Variants in WWOX observed in about 807,000 individuals in gnomAD.
The protein encoded by WWOX is WW domain-containing oxidoreductase.
In WWOX, 69 loss-of-function variants were observed where a neutral mutation model predicts 46.2. The observed-to-expected ratio is 1.49, with a 90% CI of 1.23 to 1.82. WWOX has a LOEUF of 1.82. WWOX is among the 40% of genes most tolerant of loss of function. WWOX has a pLI of 0.00. For missense variants in WWOX, 919 were observed against 542.6 expected (o/e 1.69, Z -6.89); for synonymous variants, 359 against 202.6 (o/e 1.77, Z -6.56).
intron 8 of WWOX, among the ~76,000 whole-genome samples, chr16:78,765,865 TG>T (rs2049914468): frequency 6.6e-6 from 1 of 151,772 alleles, no homozygotes; most frequent in African/African-American, 2.4e-5. Context: ...GAGGACAGAG[TG>T]GGTGGCACAG....
At chr16:78,396,270 A>G (rs112846286) in intron 6 of WWOX, among the ~76,000 whole-genome samples, 1 of 152,284 alleles carries the variant, frequency 6.6e-6, no homozygotes, top group African/African-American at 2.4e-5. Context: ...TAATTATTAC[A>G]TCAATTAGGG....
chr16:78,420,870 A>C (rs1466663327), intron 6 of WWOX, among the ~76,000 whole-genome samples: 1 of 152,180 alleles, frequency 6.6e-6, no homozygotes, highest in Non-Finnish European at 1.5e-5. Context: ...TAGGAAAAAA[A>C]GTAATCCTGA....
At chr16:79,192,203 A>T (rs144878878) in intron 8 of WWOX, among the ~76,000 whole-genome samples, 1 of 152,352 alleles carries the variant, frequency 6.6e-6, no homozygotes, top group South Asian at 2.1e-4. Flanking sequence ...GTGTATTTTT[A>T]AAGTCTGGGT....
intron 8 of WWOX, among the ~76,000 whole-genome samples, chr16:79,175,701 G>C (rs1404998297): frequency 2.0e-5 from 3 of 152,168 alleles, no homozygotes; most frequent in Non-Finnish European, 1.5e-5. Context: ...CTGTGTGCCT[G>C]TTCTGTGTCC....
chr16:78,861,451 T>G lies in WWOX; in HGVS notation c.1057-350157T>G, dbSNP rs146622953. Among the ~76,000 whole-genome samples the G allele has an allele frequency of 7.2e-4, 110 of 152,314 alleles. No homozygotes were observed. The East Asian group carries it at 0.018, about 25-fold the overall frequency. ...TGAGTCTACCATCCAGATTCAGTAA[T>G]TATTACATGTGGCCATTGTTGTTTT... On this transcript the variant is annotated intron_variant, in intron 8 of 8. Coordinates refer to ENST00000566780, the MANE Select transcript of WWOX (RefSeq NM_016373.4).
At chr16:78,549,476 G>T (rs1377077838) in intron 8 of WWOX, among the ~76,000 whole-genome samples, 1 of 152,108 alleles carries the variant, frequency 6.6e-6, no homozygotes, top group African/African-American at 2.4e-5. Flanking sequence ...ATGATATGCG[G>T]TTCAGAGAAA....
chr16:79,013,902 C>A (rs778078630), intron 8 of WWOX, among the ~76,000 whole-genome samples: 1 of 152,094 alleles, frequency 6.6e-6, no homozygotes, highest in Non-Finnish European at 1.5e-5. Context: ...ATTTGGTTTC[C>A]GGGTCCAGCG....
intron 8 of WWOX, among the ~76,000 whole-genome samples, chr16:78,793,357 G>A (rs186876869): frequency 1.1e-4 from 17 of 152,316 alleles, no homozygotes; most frequent in Non-Finnish European, 2.1e-4. Flanking sequence ...CACCATGCCA[G>A]GCCCCTGCCT....
At chr16:78,690,791 C>T (rs781633958) in intron 8 of WWOX, among the ~76,000 whole-genome samples, 3 of 152,116 alleles carry the variant, frequency 2.0e-5, no homozygotes, top group Non-Finnish European at 2.9e-5. Context: ...CTATATAAAC[C>T]GTTCAGTAAA....
chr16:78,601,664 G>A (rs1028342961), intron 8 of WWOX, among the ~76,000 whole-genome samples: 1 of 152,204 alleles, frequency 6.6e-6, no homozygotes, highest in African/African-American at 2.4e-5. Context: ...GAATGTGGTA[G>A]TATATTAATT....
At chr16:78,557,629 CTG>C (rs2044333241) in intron 8 of WWOX, among the ~76,000 whole-genome samples, 2 of 150,100 alleles carry the variant, frequency 1.3e-5, no homozygotes, top group African/African-American at 2.5e-5. Context: ...CCACTGAAAA[CTG>C]TCTTATTTTT....
At chr16:79,096,575 C>G (rs933636361) in intron 8 of WWOX, among the ~76,000 whole-genome samples, 1 of 152,184 alleles carries the variant, frequency 6.6e-6, no homozygotes, top group Non-Finnish European at 1.5e-5. Flanking sequence ...ATCTTTAAAA[C>G]AGCAATCTTC....
intron 8 of WWOX, among the ~76,000 whole-genome samples, chr16:78,832,750 C>T (rs1304170007): frequency 1.3e-5 from 2 of 152,128 alleles, no homozygotes; most frequent in Non-Finnish European, 2.9e-5. Context: ...GTGGAGCATA[C>T]AGGCCAGCAG....
chr16:78,869,711 G>C (rs2151201222), intron 8 of WWOX, among the ~76,000 whole-genome samples: 1 of 152,342 alleles, frequency 6.6e-6, no homozygotes, highest in East Asian at 1.9e-4. Context: ...ATTTAGATGA[G>C]CAAGAGCTGC....
chr16:78,479,968 T>C (rs1044291206), intron 8 of WWOX, among the ~76,000 whole-genome samples: 1 of 152,102 alleles, frequency 6.6e-6, no homozygotes, highest in Non-Finnish European at 1.5e-5. Flanking sequence ...AAGGTGAGGA[T>C]TCCATGGCTT....
intron 8 of WWOX, among the ~76,000 whole-genome samples, chr16:78,636,740 G>A (rs2046580847): frequency 6.6e-6 from 1 of 152,202 alleles, no homozygotes; most frequent in Non-Finnish European, 1.5e-5. Flanking sequence ...TAAGAATGGA[G>A]TGGCATCTCC....
At chr16:78,849,490 C>T (rs1468394816) in intron 8 of WWOX, among the ~76,000 whole-genome samples, 4 of 145,334 alleles carry the variant, frequency 2.8e-5, no homozygotes, top group East Asian at 2.1e-4. Context: ...AGGAGAATGG[C>T]GTGAACCCGG....
chr16:79,023,898 G>A lies in WWOX; in HGVS notation c.1057-187710G>A, dbSNP rs146980922. ...TTAAAGTCAGGAGGCAGAGGTTGCA[G>A]TGAGACAAGATTGTGCCACTGCACT... On this transcript the variant is annotated intron_variant, in intron 8 of 8. Transcript: ENST00000566780. Among the ~76,000 whole-genome samples the A allele has an allele frequency of 2.1e-4, 32 of 152,274 alleles. No homozygotes were observed. The East Asian group carries it at 6.0e-3, about 28-fold the overall frequency.
At chr16:78,837,257 A>G (rs1037853075) in intron 8 of WWOX, among the ~76,000 whole-genome samples, 3 of 152,232 alleles carry the variant, frequency 2.0e-5, no homozygotes, top group East Asian at 1.9e-4. Flanking sequence ...ATCACGGTTC[A>G]TAGAGATTAC....
Sources: gnomAD v4.1 joint callset for allele counts (sites outside exome capture counted in the v4.1 genomes callset) on GRCh38, gnomAD v4.1.1 for gene constraint, MANE v1.5 for transcripts, NCBI Gene and HGNC (gene_info 2026-07-23, HGNC 2026-07-21) for gene names.